PLOD1: variants seen among roughly 807,000 people sequenced by gnomAD.
PLOD1 encodes the protein procollagen-lysine,2-oxoglutarate 5-dioxygenase 1, also known as lysine hydroxylase.
A neutral mutation model predicts 94.7 loss-of-function variants in PLOD1; 70 were observed. The ratio of observed to expected loss-of-function variants is 0.74; its 90% confidence interval spans 0.61 to 0.90. PLOD1 has a LOEUF of 0.90. PLOD1 is among the 40% of genes least tolerant of loss of function. The probability of loss-of-function intolerance (pLI) is 0.00; values close to 1 mark genes in which losing one functional copy is unlikely to be tolerated. For synonymous variants in PLOD1, 417 were observed against 400.2 expected, an observed-to-expected ratio of 1.04 and a Z score of -0.50; for missense variants, 905 against 972.7, an observed-to-expected ratio of 0.93 and a Z score of 0.93.
intron 1 of PLOD1, among the ~76,000 whole-genome samples, chr1:11,942,979 G>T (rs199983850): frequency 6.7e-6 from 1 of 149,942 alleles, no homozygotes; most frequent in Non-Finnish European, 1.5e-5. Flanking sequence ...TGTTTGTTTG[G>T]TTTTTTGTTT....
Position 11,967,642 on chromosome 1 carries a change from A to T in PLOD1, c.1755+551A>T, listed in dbSNP as rs561094219. 2.2e-3 allele frequency among the ~76,000 whole-genome samples: 221 copies of T among 100,646 alleles called. 6 individuals are homozygous for T. Among genetic ancestry groups the T allele is most frequent in the African/African-American group, 9.8e-3 (212 of 21,718 alleles). The allele number at this position is 100,646 out of a possible 152,430, so 66.0% of individuals were successfully genotyped here. A position where few individuals can be genotyped will look rare whatever the true frequency, so the allele number is the denominator to read the frequency against. ...AAAGAAATATATATAGATTTTATTT[A>T]TATATATATATATATATTTTTTTTA... On this transcript the variant is annotated intron_variant, in intron 16 of 18. Coordinates refer to ENST00000196061, the MANE Select transcript of PLOD1 (RefSeq NM_000302.4).
intron 6 of PLOD1, 81 bp from the exon 7 acceptor site, chr1:11,956,836 G>A (rs1180002925): frequency 1.1e-6 from 1 of 874,910 alleles, no homozygotes; most frequent in East Asian, 2.4e-5. Flanking sequence ...CTGCACAGCT[G>A]GGATTTGAGC....
intron 1 of PLOD1, among the ~76,000 whole-genome samples, chr1:11,945,916 C>A (rs1246305201): frequency 6.6e-6 from 1 of 152,072 alleles, no homozygotes; most frequent in Non-Finnish European, 1.5e-5. Context: ...ACCATGTTGG[C>A]CAGGCTGTTC....
At chr1:11,944,001 G>A (rs1405569389) in intron 1 of PLOD1, among the ~76,000 whole-genome samples, 2 of 152,162 alleles carry the variant, frequency 1.3e-5, no homozygotes, top group Non-Finnish European at 2.9e-5. Context: ...GGAAGCTGAG[G>A]CAGGCAGATC....
chr1:11,935,354 G>A (rs736302), intron 1 of PLOD1, among the ~76,000 whole-genome samples: 24,950 of 152,040 alleles, frequency 0.16, 2,099 homozygotes, highest in South Asian at 0.2. Context: ...CCATGGGAAT[G>A]AGGGGTCTTG....
chr1:11,965,644 C>A, intron 14 of PLOD1, 51 bp downstream of exon 14: 1 of 1,111,250 alleles, frequency 9.0e-7, no homozygotes, highest in Non-Finnish European at 1.4e-6. Context: ...GCCCAGTGAT[C>A]CTGCAGTCGG....
chr1:11,939,287 G>A (rs746990524), intron 1 of PLOD1, among the ~76,000 whole-genome samples: 6 of 152,076 alleles, frequency 3.9e-5, no homozygotes, highest in African/African-American at 1.2e-4. Context: ...TGGCTCCCAC[G>A]TGCAGGGCAT....
intron 18 of PLOD1, among the ~76,000 whole-genome samples, chr1:11,974,371 T>C (rs565733513): frequency 2.0e-5 from 3 of 152,092 alleles, no homozygotes; most frequent in Non-Finnish European, 4.4e-5. Context: ...TTAGTAGAGA[T>C]GGGGTCTCAC....
intron 1 of PLOD1, among the ~76,000 whole-genome samples, chr1:11,938,816 A>G (rs1255432500): frequency 1.3e-5 from 2 of 152,104 alleles, no homozygotes; most frequent in Admixed American, 1.3e-4. Flanking sequence ...GGGGCTCCCA[A>G]TGAGAGGGGG....
chr1:11,963,910 G>A lies in PLOD1; in HGVS notation c.1203-265G>A, dbSNP rs142423853. Among the ~76,000 whole-genome samples, 754 of 151,258 alleles carry A rather than the reference G, an allele frequency of 5.0e-3. 7 individuals carry two copies. Among genetic ancestry groups the A allele is most frequent in the Admixed American group, 0.018 (274 of 15,144 alleles). On this transcript the variant is annotated intron_variant, in intron 11 of 18. Coordinates refer to ENST00000196061, the MANE Select transcript of PLOD1 (RefSeq NM_000302.4). The surrounding 1 kb of genome is among the most constrained non-coding windows in gnomAD (Gnocchi z 4.3). ...CCTCCTTGGCCTCACCTATTACCCA[G>A]AGCTGTGGATCCCCAGCCTGATACC...
chr1:11,966,750 C>T (rs561818286), intron 15 of PLOD1, among the ~76,000 whole-genome samples: 2 of 152,186 alleles, frequency 1.3e-5, no homozygotes, highest in Non-Finnish European at 2.9e-5. Flanking sequence ...CCCCCTCCCT[C>T]CCTCCATGCC....
intron 1 of PLOD1, among the ~76,000 whole-genome samples, chr1:11,941,511 A>G (rs1388290360): frequency 6.9e-6 from 1 of 144,526 alleles, no homozygotes; most frequent in East Asian, 2.0e-4. Flanking sequence ...ATGGAGTTTC[A>G]CTTTTGTTGC....
At chr1:11,937,090 C>T (rs1255545742) in intron 1 of PLOD1, among the ~76,000 whole-genome samples, 1 of 152,142 alleles carries the variant, frequency 6.6e-6, no homozygotes, top group Admixed American at 6.5e-5. Flanking sequence ...TCAGGTGATC[C>T]GCCTACCTCG....
intron 16 of PLOD1, among the ~76,000 whole-genome samples, chr1:11,968,070 C>T (rs1569731377): frequency 6.6e-6 from 1 of 151,658 alleles, no homozygotes; most frequent in Non-Finnish European, 1.5e-5. Flanking sequence ...TTTCTTGCCT[C>T]AGCCTCTCCA....
chr1:11,964,848 C>T, intron 13 of PLOD1, 63 bp downstream of exon 13: 2 of 1,555,040 alleles, frequency 1.3e-6, no homozygotes, highest in Non-Finnish European at 1.8e-6. Context: ...GGTGGGCCTC[C>T]AGCTCTGACC....
chr1:11,953,918 G>A (rs1451864814), intron 5 of PLOD1, among the ~76,000 whole-genome samples: 1 of 151,642 alleles, frequency 6.6e-6, no homozygotes, highest in Admixed American at 6.6e-5. Context: ...AGGCTGATGC[G>A]CAGTGGCAGA....
chr1:11,965,084 C>G (rs902326300), intron 13 of PLOD1, among the ~76,000 whole-genome samples: 2 of 151,920 alleles, frequency 1.3e-5, no homozygotes, highest in Non-Finnish European at 2.9e-5. Context: ...CCTAAAGGTA[C>G]TCCAAGTGAT....
At chr1:11,955,482 A>G (rs1645732009) in intron 6 of PLOD1, among the ~76,000 whole-genome samples, 1 of 152,176 alleles carries the variant, frequency 6.6e-6, no homozygotes, top group Non-Finnish European at 1.5e-5. Flanking sequence ...GATTTTGTGG[A>G]TAAATGGGCC....
At chr1:11,936,933 C>T (rs1236881005) in intron 1 of PLOD1, among the ~76,000 whole-genome samples, 2 of 151,444 alleles carry the variant, frequency 1.3e-5, no homozygotes, top group East Asian at 1.9e-4. Flanking sequence ...CTGCAACCTC[C>T]GCCTCCCAGG....
Sources: gnomAD v4.1 joint callset for allele counts (sites outside exome capture counted in the v4.1 genomes callset) on GRCh38, gnomAD v4.1.1 for gene constraint, Gnocchi (gnomAD v3.1) non-coding constraint, MANE v1.5 for transcripts, NCBI Gene and HGNC (gene_info 2026-07-23, HGNC 2026-07-21) for gene names.